The following NDUFA10 variants were observed in gnomAD, a reference collection of about 807,000 sequenced individuals.
NDUFA10 encodes the protein NADH:ubiquinone oxidoreductase subunit A10, also known as NADH dehydrogenase [ubiquinone] 1 alpha subcomplex subunit 10, mitochondrial.
A neutral mutation model predicts 47.8 loss-of-function variants in NDUFA10; 40 were observed. The ratio of observed to expected loss-of-function variants is 0.84; its 90% confidence interval spans 0.65 to 1.09. The LOEUF is 1.09. NDUFA10 is among the 50% of genes least tolerant of loss of function. NDUFA10 has a pLI of 0.00. For missense variants in NDUFA10, 413 were observed against 451.1 expected (o/e 0.92, Z 0.76); for synonymous variants, 183 against 172.2 (o/e 1.06, Z -0.49).
downstream of NDUFA10, among the ~76,000 whole-genome samples, chr2:239,955,328 A>G (rs888520833): frequency 1.3e-5 from 2 of 152,190 alleles, no homozygotes; most frequent in African/African-American, 2.4e-5. Flanking sequence ...CGCATGACCA[A>G]TGCCGGCATT....
chr2:239,896,397 G>A (rs1285257342), intron 4 of NDUFA10, among the ~76,000 whole-genome samples: 1 of 152,240 alleles, frequency 6.6e-6, no homozygotes, highest in Non-Finnish European at 1.5e-5. Flanking sequence ...CTGTGAAGCT[G>A]GCAGTACCCT....
At chr2:240,001,166 A>G (rs1343871260) in intron 8 of NDUFA10, among the ~76,000 whole-genome samples, 1 of 152,224 alleles carries the variant, frequency 6.6e-6, no homozygotes, top group Non-Finnish European at 1.5e-5. Flanking sequence ...TGTCTTTAGG[A>G]GGTGGGTTCG....
At chr2:240,019,114 A>G (rs1697498351) in intron 3 of NDUFA10, among the ~76,000 whole-genome samples, 1 of 152,156 alleles carries the variant, frequency 6.6e-6, no homozygotes, top group South Asian at 2.1e-4. Context: ...GCCTCCTTGC[A>G]GTCAGCCCTG....
intron 4 of NDUFA10, among the ~76,000 whole-genome samples, chr2:239,933,506 T>TA (rs1694211978): frequency 8.9e-6 from 1 of 112,314 alleles, no homozygotes; most frequent in Admixed American, 9.2e-5. Context: ...CTCCATGGTT[T>TA]TTTTTTTGTT....
intron 9 of NDUFA10, among the ~76,000 whole-genome samples, chr2:239,980,451 G>A (rs943222495): frequency 5.3e-5 from 8 of 152,144 alleles, no homozygotes; most frequent in Admixed American, 1.3e-4. Flanking sequence ...CTGTGCCTTC[G>A]GGGTTGGGGA....
intron 6 of NDUFA10, among the ~76,000 whole-genome samples, chr2:240,011,332 T>C (rs1455778517): frequency 6.6e-6 from 1 of 152,246 alleles, no homozygotes; most frequent in African/African-American, 2.4e-5. Context: ...TGGTAAAACC[T>C]GTCATGGAAT....
chr2:239,919,606 G>A (rs1693934833), intron 4 of NDUFA10, among the ~76,000 whole-genome samples: 1 of 152,172 alleles, frequency 6.6e-6, no homozygotes, highest in Non-Finnish European at 1.5e-5. Flanking sequence ...ACTGGGTGTG[G>A]GGTTATGGGT....
intron 4 of NDUFA10, among the ~76,000 whole-genome samples, chr2:239,912,006 C>T (rs1693763796): frequency 6.6e-6 from 1 of 152,158 alleles, no homozygotes; most frequent in Admixed American, 6.5e-5. Context: ...TAGCAGGCAC[C>T]AGCTGCATGT....
chr2:240,018,531 T>A (rs764061526), intron 4 of NDUFA10, 22 bp downstream of exon 4: 4 of 1,614,192 alleles, frequency 2.5e-6, no homozygotes, highest in Non-Finnish European at 3.4e-6. Flanking sequence ...CACCCAGAAG[T>A]GGGTCTGCAA....
In NDUFA10 at chr2:239,899,054, G is replaced by A. The variant is rs1289031737; in HGVS notation, c.295-3740C>T. Among the ~76,000 whole-genome samples, 50 of 47,138 alleles carry A rather than the reference G, an allele frequency of 1.1e-3. 6 individuals carry two copies. Among genetic ancestry groups the A allele is most frequent in the East Asian group, 1.9e-3 (2 of 1,040 alleles). 30.9% of individuals were successfully genotyped at this position (47,138 alleles called of 152,430 possible). ...GGTGTAAAGGAGGGGTGTGATGGAG[G>A]AGTGTGATGGAGGGGTGTGATGGAG... On this transcript the variant is annotated intron_variant, in intron 4 of 5. Coordinates refer to the NDUFA10 transcript ENST00000419408.
chr2:239,990,118 T>C lies in NDUFA10; in HGVS notation c.955A>G (p.Ile319Val), dbSNP rs1158647230. 2 of 1,613,978 alleles carry C rather than the reference T, an allele frequency of 1.2e-6. No homozygotes were observed. The highest frequency in any genetic ancestry group is 1.7e-5 in the Admixed American group (1 of 60,018). The change falls in exon 9 of 10, where the codon ATT becomes GTT. Residue 319 changes from isoleucine (I) to valine (V), a missense_variant. Physicochemically the swap from Ile to Val is conservative, Grantham distance 29. Transcript: ENST00000252711. ...ACACGGTCAGTCTGATGAGCTCCAA[T>C]GGTGACTTCCGGGAGAAAGATAGGA... ...SIPIFLPEVT[I>V]GAHQTDRVLH...
At chr2:239,898,989 A>AGGTATGATGGAGG (rs1693462861) in intron 4 of NDUFA10, among the ~76,000 whole-genome samples, 1 of 70,712 alleles carries the variant, frequency 1.4e-5, no homozygotes, top group South Asian at 6.9e-4. Context: ...TATGATGGAG[A>AGGTATGATGGAGG]GGTGTGATGG....
At chr2:239,968,428 G>C (rs1006842716) in intron 9 of NDUFA10, among the ~76,000 whole-genome samples, 1 of 152,254 alleles carries the variant, frequency 6.6e-6, no homozygotes, top group South Asian at 2.1e-4. Flanking sequence ...GAACTATGCA[G>C]CTCCTGGGCA....
At chr2:239,952,234 G>A (rs1028288139) in intron 4 of NDUFA10, among the ~76,000 whole-genome samples, 1 of 151,356 alleles carries the variant, frequency 6.6e-6, no homozygotes, top group Non-Finnish European at 1.5e-5. Flanking sequence ...TGGTGAGGAG[G>A]GGGGCGCAGG....
At chr2:240,009,576 T>G (rs1697064796) in intron 6 of NDUFA10, among the ~76,000 whole-genome samples, 1 of 152,250 alleles carries the variant, frequency 6.6e-6, no homozygotes, top group Non-Finnish European at 1.5e-5. Flanking sequence ...TGCAATGCTC[T>G]TTATGCATTC....
At chr2:240,006,703 T>C (rs1696960965) in intron 7 of NDUFA10, among the ~76,000 whole-genome samples, 1 of 152,260 alleles carries the variant, frequency 6.6e-6, no homozygotes, top group African/African-American at 2.4e-5. Context: ...TTTTTGTAAT[T>C]ATCCTTTAAG....
chr2:239,982,454 TCTAA>T (rs1695816818), intron 9 of NDUFA10, among the ~76,000 whole-genome samples: 1 of 152,216 alleles, frequency 6.6e-6, no homozygotes, highest in African/African-American at 2.4e-5. Flanking sequence ...CCTCAGAACC[TCTAA>T]CTGTGACCCA....
At chr2:239,952,399 C>T (rs1046989429), downstream of NDUFA10, among the ~76,000 whole-genome samples, 1 of 151,556 alleles carries the variant, frequency 6.6e-6, no homozygotes, top group African/African-American at 2.4e-5. Context: ...CTGTGCAGCC[C>T]GCAGCAAACC....
At chr2:240,017,375 A>G (rs1574895203) in intron 4 of NDUFA10, among the ~76,000 whole-genome samples, 2 of 151,196 alleles carry the variant, frequency 1.3e-5, no homozygotes, top group Non-Finnish European at 2.9e-5. Flanking sequence ...CACGTCCCTC[A>G]CTCCCACTGC....
Sources: allele counts gnomAD v4.1 joint callset (sites outside exome capture counted in the v4.1 genomes callset), GRCh38; gene constraint gnomAD v4.1.1; transcripts MANE v1.5; gene names NCBI Gene and HGNC (gene_info 2026-07-23, HGNC 2026-07-21).